Variants in EPM2A observed in about 807,000 individuals in gnomAD.
The protein encoded by EPM2A is EPM2A glucan phosphatase, laforin.
Under a neutral mutation model 26.5 loss-of-function variants are expected in EPM2A, and 21 were observed. That is an observed-to-expected ratio of 0.79 (90% CI 0.56 to 1.14). EPM2A has a LOEUF of 1.14. Ranked by LOEUF, EPM2A falls within the 50% of genes most tolerant of loss-of-function variation. EPM2A has a pLI of 0.00. For synonymous variants in EPM2A, 217 were observed against 177.6 expected, an observed-to-expected ratio of 1.22 and a Z score of -1.76; for missense variants, 458 against 440.8, an observed-to-expected ratio of 1.04 and a Z score of -0.35.
intron 2 of EPM2A, among the ~76,000 whole-genome samples, chr6:145,599,250 T>C (rs1479044583): frequency 2.0e-5 from 3 of 152,150 alleles, no homozygotes; most frequent in Non-Finnish European, 4.4e-5. Context: ...AATCTGAAAA[T>C]GTATGTCTCT....
intron 2 of EPM2A, among the ~76,000 whole-genome samples, chr6:145,668,019 T>TG (rs1779354253): frequency 1.4e-5 from 1 of 71,438 alleles, no homozygotes; most frequent in Non-Finnish European, 2.6e-5. Context: ...TGTGGTGGGG[T>TG]GGGGGGAGGG....
At chr6:145,712,170 TTA>T (rs1775368810) in intron 1 of EPM2A, among the ~76,000 whole-genome samples, 1 of 152,124 alleles carries the variant, frequency 6.6e-6, no homozygotes, top group Non-Finnish European at 1.5e-5. Context: ...ATAATTCATT[TTA>T]AGAAGGGGTG....
intron 2 of EPM2A, among the ~76,000 whole-genome samples, chr6:145,615,851 CA>C (rs138546765): frequency 0.35 from 53,313 of 151,658 alleles, 9,943 homozygotes; most frequent in South Asian, 0.51. Flanking sequence ...GGGTATCTGG[CA>C]GAAGAAATTT....
chr6:145,591,972 GA>G (rs1432279560), intron 2 of EPM2A, among the ~76,000 whole-genome samples: 1 of 152,000 alleles, frequency 6.6e-6, no homozygotes, highest in Non-Finnish European at 1.5e-5. Context: ...AATGTTATTT[GA>G]AGGTAAGTTT....
At chr6:145,634,562 T>G (rs1161617031) in intron 3 of EPM2A, 1 of 152,804 alleles carries the variant, frequency 6.5e-6, no homozygotes, top group East Asian at 1.9e-4. Context: ...TACAACTGCT[T>G]CTTCCTGCTA....
upstream of EPM2A, chr6:145,735,524 C>T (rs974000102): frequency 1.7e-6 from 2 of 1,174,642 alleles, no homozygotes; most frequent in Non-Finnish European, 2.1e-6. Context: ...CGCGAATACC[C>T]GGGCCCGGAG....
At chr6:145,541,317 CATATATATGTGT>C (rs1196270112) in intron 2 of EPM2A, among the ~76,000 whole-genome samples, 1 of 137,542 alleles carries the variant, frequency 7.3e-6, no homozygotes, top group Non-Finnish European at 1.6e-5. Flanking sequence ...TGTGTATATA[CATATATATGTGT>C]ATATATATGT....
intron 2 of EPM2A, among the ~76,000 whole-genome samples, chr6:145,668,955 T>C (rs1175876182): frequency 6.6e-6 from 1 of 152,106 alleles, no homozygotes; most frequent in East Asian, 1.9e-4. Flanking sequence ...TACAAGTAGA[T>C]GTTATCAGTG....
intron 2 of EPM2A, among the ~76,000 whole-genome samples, chr6:145,539,190 T>C (rs1325514430): frequency 6.6e-6 from 1 of 152,246 alleles, no homozygotes; most frequent in African/African-American, 2.4e-5. Flanking sequence ...TCAATGCTGC[T>C]GCCAAAACTG....
chr6:145,608,337 G>C (rs2128551473), intron 2 of EPM2A, among the ~76,000 whole-genome samples: 1 of 152,274 alleles, frequency 6.6e-6, no homozygotes, highest in African/African-American at 2.4e-5. Flanking sequence ...TCAGGCACAA[G>C]CATGCATGCA....
In EPM2A at chr6:145,716,035, G is replaced by T. The variant is rs902564563; in HGVS notation, c.301+19163C>A. On this transcript the variant is annotated intron_variant, in intron 1 of 3. Transcript: ENST00000367519. ...TGGTCTCTGGTGCCAGAAAGGTTAG[G>T]GACCACTGCTTTAAGTCATCTCTAG... Among the ~76,000 whole-genome samples the T allele has an allele frequency of 2.6e-5, 4 of 152,206 alleles. No individual in the cohort carries two copies. The South Asian group carries it at 8.3e-4, about 32-fold the overall frequency.
chr6:145,684,675 A>T (rs938977194), intron 2 of EPM2A: 1 of 152,140 alleles, frequency 6.6e-6, no homozygotes, highest in Non-Finnish European at 1.5e-5. Flanking sequence ...AATTTCTGAC[A>T]TCAAATCAAT....
chr6:145,601,809 T>C (rs1427977178), intron 2 of EPM2A, among the ~76,000 whole-genome samples: 1 of 152,208 alleles, frequency 6.6e-6, no homozygotes, highest in Non-Finnish European at 1.5e-5. Context: ...CAATCAGGTA[T>C]ACTCTCATGA....
At position 145,462,146 on chromosome 6, in the gene EPM2A, T is replaced by C. The variant is rs114704359; in HGVS notation, c.555+40376A>G. Among the ~76,000 whole-genome samples, 1,035 of 152,312 alleles carry C rather than the reference T, an allele frequency of 6.8e-3. 6 individuals are homozygous for C. The highest frequency in any genetic ancestry group is 0.024 in the African/African-American group (1,000 of 41,572). On this transcript the variant is annotated intron_variant, in intron 4 of 4. Transcript: ENST00000638717. ...AAAATACCAACAAATCTGTATTGTTTTATATAAATTTATGTTTACTAACAA... is the reference window on the plus strand; with the variant it reads ...AAAATACCAACAAATCTGTATTGTTCTATATAAATTTATGTTTACTAACAA...
intron 2 of EPM2A, among the ~76,000 whole-genome samples, chr6:145,592,547 A>C (rs1781289021): frequency 6.6e-6 from 1 of 152,114 alleles, no homozygotes; most frequent in African/African-American, 2.4e-5. Flanking sequence ...GGCTGCGTCA[A>C]ATGGTATTTC....
In EPM2A at chr6:145,657,175, C is replaced by T. The variant is rs375687434; in HGVS notation, c.477-21689G>A. The stretch of plus-strand genomic sequence containing the variant: ...CAGGACCTCGGCTCACTGCAACCTC[C>T]GCCTCCTGGGTTCAAGTGATTCTTC... On this transcript the variant is annotated intron_variant, in intron 2 of 3. Coordinates refer to ENST00000367519, the MANE Select transcript of EPM2A (RefSeq NM_005670.4). Among the ~76,000 whole-genome samples the T allele has an allele frequency of 4.4e-3, 658 of 151,164 alleles. 5 individuals carry two copies. Among genetic ancestry groups the T allele is most frequent in the African/African-American group, 0.014 (562 of 41,186 alleles).
At chr6:145,586,738 C>T (rs1311347530) in intron 2 of EPM2A, among the ~76,000 whole-genome samples, 2 of 152,172 alleles carry the variant, frequency 1.3e-5, no homozygotes, top group Non-Finnish European at 2.9e-5. Flanking sequence ...GCATCCTCCA[C>T]AACCCTAACC....
intron 1 of EPM2A, among the ~76,000 whole-genome samples, chr6:145,690,402 C>T (rs1271107541): frequency 6.6e-6 from 1 of 150,396 alleles, no homozygotes; most frequent in Non-Finnish European, 1.5e-5. Flanking sequence ...CCCAGCTACT[C>T]GGGAGGCTGA....
intron 4 of EPM2A, among the ~76,000 whole-genome samples, chr6:145,417,487 T>C (rs902292263): frequency 1.1e-4 from 16 of 152,196 alleles, no homozygotes; most frequent in African/African-American, 2.6e-4. Flanking sequence ...AGTAAGTGTG[T>C]TTTCATGGCA....
Sources: gnomAD v4.1 joint callset for allele counts (sites outside exome capture counted in the v4.1 genomes callset) on GRCh38, gnomAD v4.1.1 for gene constraint, MANE v1.5 for transcripts, NCBI Gene and HGNC (gene_info 2026-07-23, HGNC 2026-07-21) for gene names.